Variants in ANK3 observed in about 807,000 individuals in gnomAD.
ANK3 encodes ankyrin-3.
A neutral mutation model predicts 370.9 loss-of-function variants in ANK3; 57 were observed. The ratio of observed to expected loss-of-function variants is 0.15; its 90% CI spans 0.12 to 0.19. ANK3 has a LOEUF of 0.19. Ranked by LOEUF, ANK3 falls within the 10% of genes least tolerant of loss-of-function variation. ANK3 has a pLI of 1.00. For synonymous variants in ANK3, 1,929 were observed against 1,946.3 expected, an observed-to-expected ratio of 0.99 and a Z score of 0.23; for missense variants, 4,439 against 5,302.1, an observed-to-expected ratio of 0.84 and a Z score of 5.06.
intron 7 of ANK3, among the ~76,000 whole-genome samples, chr10:60,249,647 A>G (rs10994279): frequency 0.13 from 19,511 of 152,220 alleles, 1,704 homozygotes; most frequent in East Asian, 0.37. Context: ...CTAAAGAAAG[A>G]TGGTTTGGAA....
intron 23 of ANK3, among the ~76,000 whole-genome samples, chr10:60,152,914 T>A (rs1018842857): frequency 1.3e-5 from 2 of 152,198 alleles, no homozygotes; most frequent in Admixed American, 1.3e-4. Context: ...TAGTTTATTG[T>A]CATCTGGTTT....
chr10:60,301,207 CTATA>C (rs1023702232), intron 1 of ANK3, among the ~76,000 whole-genome samples: 2 of 144,032 alleles, frequency 1.4e-5, no homozygotes, highest in Non-Finnish European at 3.0e-5. Flanking sequence ...TATATATATA[CTATA>C]TATGTATGTA....
At chr10:60,057,343 G>C (rs16914652) in intron 41 of ANK3, among the ~76,000 whole-genome samples, 1 of 151,982 alleles carries the variant, frequency 6.6e-6, no homozygotes, top group African/African-American at 2.4e-5. Context: ...TGTAGCTTGC[G>C]TATTATTTTG....
intron 2 of ANK3, among the ~76,000 whole-genome samples, chr10:60,612,641 G>C (rs894892388): frequency 6.6e-6 from 1 of 152,152 alleles, no homozygotes; most frequent in Admixed American, 6.5e-5. Flanking sequence ...ACAGGCGCTT[G>C]CCACCATGCC....
At chr10:60,043,686 C>G (rs2076490034) in intron 42 of ANK3, 2 of 985,448 alleles carry the variant, frequency 2.0e-6, no homozygotes, top group Non-Finnish European at 2.4e-6. Context: ...ACTTTTAAAG[C>G]CTGTGCTTTT....
chr10:60,075,680 C>T lies in ANK3; in HGVS notation c.5201G>A (p.Gly1734Glu), dbSNP rs1353989454. The part of the protein sequence containing the change: ...KYPSSSTLIN[G>E]CKATATLQEK... Reference sequence around the variant, plus strand: ...CTGTAACGTGGCAGTGGCTTTGCATCCATTAATTAAAGTTGAGGATGATGG... The same window carrying T: ...CTGTAACGTGGCAGTGGCTTTGCATTCATTAATTAAAGTTGAGGATGATGG... The change falls in exon 37 of 44, where the codon GGA becomes GAA. Residue 1734 changes from glycine (G) to glutamate (E), a missense_variant. Coordinates refer to ENST00000280772, the MANE Select transcript of ANK3 (RefSeq NM_020987.5). 7 of 1,613,874 alleles carry T rather than the reference C, an allele frequency of 4.3e-6. No homozygotes were observed. The African/African-American group carries it at 8.0e-5, about 18-fold the overall frequency.
intron 1 of ANK3, among the ~76,000 whole-genome samples, chr10:60,329,954 C>T (rs890676964): frequency 9.2e-5 from 14 of 152,128 alleles, no homozygotes; most frequent in Admixed American, 2.6e-4. Flanking sequence ...ACCAATGAAA[C>T]AGAACAGAGG....
chr10:60,181,665 G>A (rs1316786380), intron 17 of ANK3, among the ~76,000 whole-genome samples: 1 of 152,110 alleles, frequency 6.6e-6, no homozygotes, highest in African/African-American at 2.4e-5. Flanking sequence ...AATTAGCCAG[G>A]TGCAGTGGCA....
At chr10:60,166,683 G>T in intron 22 of ANK3, 30 bp from the exon 23 acceptor site, 1 of 1,605,884 alleles carries the variant, frequency 6.2e-7, no homozygotes, top group Non-Finnish European at 8.5e-7. Flanking sequence ...AATATAAGTG[G>T]ATGAAAAATA....
At chr10:60,691,526 CACTT>C (rs1341075665) in intron 1 of ANK3, among the ~76,000 whole-genome samples, 38 of 152,280 alleles carry the variant, frequency 2.5e-4, no homozygotes, top group Non-Finnish European at 2.6e-4. Context: ...TGCCACTTTT[CACTT>C]ACTTAAACTA....
At chr10:60,421,599 T>C (rs2063780637) in intron 2 of ANK3, among the ~76,000 whole-genome samples, 1 of 151,948 alleles carries the variant, frequency 6.6e-6, no homozygotes, top group African/African-American at 2.4e-5. Flanking sequence ...GATAGTGGCA[T>C]GGTCTTGTGA....
chr10:60,534,857 A>G (rs1185763041), intron 2 of ANK3, among the ~76,000 whole-genome samples: 1 of 152,162 alleles, frequency 6.6e-6, no homozygotes, highest in Non-Finnish European at 1.5e-5. Context: ...CAAAAGTCCC[A>G]ATGCTATAGG....
In ANK3 at chr10:60,072,907, G is replaced by C; in HGVS notation, c.7974C>G (p.Gly2658=). ...KARQHGPDGQ[G]FPKAEEKAPS... Reference sequence around the variant, plus strand: ...GTGCCTTCTCCTCGGCCTTGGGGAAGCCTTGTCCATCAGGGCCATGCTGTC... The same window carrying C: ...GTGCCTTCTCCTCGGCCTTGGGGAACCCTTGTCCATCAGGGCCATGCTGTC... Residue 2658 remains glycine, a synonymous_variant, in exon 37 of 44, where the codon GGC becomes GGG. Coordinates refer to ENST00000280772, the MANE Select transcript of ANK3 (RefSeq NM_020987.5). 1 of 1,614,066 alleles carries C rather than the reference G, an allele frequency of 6.2e-7. No individual in the cohort carries two copies. Among genetic ancestry groups the C allele is most frequent in the Non-Finnish European group, 8.5e-7 (1 of 1,180,002 alleles).
intron 2 of ANK3, among the ~76,000 whole-genome samples, chr10:60,415,266 T>G (rs7073658): frequency 0.61 from 93,094 of 151,986 alleles, 28,945 homozygotes; most frequent in African/African-American, 0.7. Context: ...CATGCCTCCG[T>G]TATTCCCAGA....
chr10:60,133,017 A>C (rs892613584), intron 25 of ANK3, among the ~76,000 whole-genome samples: 1 of 152,216 alleles, frequency 6.6e-6, no homozygotes, highest in African/African-American at 2.4e-5. Context: ...TAGAGAGTAA[A>C]AAGTAATAAA....
intron 1 of ANK3, among the ~76,000 whole-genome samples, chr10:60,659,720 A>C (rs887429296): frequency 2.0e-5 from 3 of 152,134 alleles, no homozygotes; most frequent in Non-Finnish European, 4.4e-5. Context: ...TTTAAGGTAC[A>C]TTGTTGTAAA....
chr10:60,323,867 G>C (rs1040328613), intron 1 of ANK3, among the ~76,000 whole-genome samples: 1 of 152,086 alleles, frequency 6.6e-6, no homozygotes, highest in African/African-American at 2.4e-5. Context: ...GCTCCTGCCA[G>C]GGCAAGTCAG....
chr10:60,338,817 G>A (rs928366826), intron 1 of ANK3, among the ~76,000 whole-genome samples: 2 of 152,152 alleles, frequency 1.3e-5, no homozygotes, highest in Non-Finnish European at 2.9e-5. Context: ...CACATCTGTG[G>A]GAGTTTAATC....
chr10:60,368,230 TACACACACAC>T (rs3045441), intron 1 of ANK3, among the ~76,000 whole-genome samples: 3 of 149,532 alleles, frequency 2.0e-5, no homozygotes, highest in African/African-American at 4.9e-5. Flanking sequence ...CTAGTGCATG[TACACACACAC>T]ACACACACAC....
Sources: allele counts gnomAD v4.1 joint callset (sites outside exome capture counted in the v4.1 genomes callset), GRCh38; gene constraint gnomAD v4.1.1; transcripts MANE v1.5; gene names NCBI Gene and HGNC (gene_info 2026-07-23, HGNC 2026-07-21).